Variants in LCLAT1 observed in about 807,000 individuals in gnomAD.
LCLAT1 encodes lysocardiolipin acyltransferase 1.
LCLAT1 carries 11 observed loss-of-function variants against 30.7 expected under a neutral mutation model. The ratio of observed to expected loss-of-function variants is 0.36; its 90% confidence interval spans 0.23 to 0.59. The LOEUF (loss-of-function observed/expected upper bound fraction) is 0.59, where lower values mean the gene tolerates loss of function less well. Among genes scored for constraint, LCLAT1 ranks in the 20% least tolerant of loss-of-function variants. LCLAT1 has a pLI of 0.77. For synonymous variants in LCLAT1, 155 were observed against 151.3 expected, an observed-to-expected ratio of 1.02 and a Z score of -0.18; for missense variants, 402 against 458.6, an observed-to-expected ratio of 0.88 and a Z score of 1.13.
At chr2:30,537,406 A>T (rs1663833571) in intron 3 of LCLAT1, among the ~76,000 whole-genome samples, 1 of 151,544 alleles carries the variant, frequency 6.6e-6, no homozygotes, top group Non-Finnish European at 1.5e-5. Context: ...AAAAAGATAG[A>T]CTTCAAGTTA....
At chr2:30,590,925 T>G (rs1666666516) in intron 5 of LCLAT1, among the ~76,000 whole-genome samples, 1 of 152,150 alleles carries the variant, frequency 6.6e-6, no homozygotes, top group Admixed American at 6.5e-5. Flanking sequence ...ATTTGTAACA[T>G]CAAAGCTGTT....
intron 5 of LCLAT1, among the ~76,000 whole-genome samples, chr2:30,610,546 TCTCTCAGGTATTTAAG>T (rs1667686543): frequency 6.6e-6 from 1 of 152,156 alleles, no homozygotes; most frequent in East Asian, 1.9e-4. Flanking sequence ...TATTAACAGA[TCTCTCAGGTATTTAAG>T]ACCTTGTTGT....
At chr2:30,458,881 A>G (rs1681963616) in intron 1 of LCLAT1, among the ~76,000 whole-genome samples, 1 of 152,200 alleles carries the variant, frequency 6.6e-6, no homozygotes, top group Non-Finnish European at 1.5e-5. Context: ...TGTGAATGTA[A>G]GAAGCTTACC....
chr2:30,528,652 C>T (rs1685846391), intron 2 of LCLAT1, among the ~76,000 whole-genome samples: 2 of 152,290 alleles, frequency 1.3e-5, no homozygotes, highest in South Asian at 4.1e-4. Context: ...TTTTGAGATG[C>T]ACCATCCTAT....
intron 1 of LCLAT1, among the ~76,000 whole-genome samples, chr2:30,508,197 A>G (rs1684767818): frequency 6.6e-6 from 1 of 152,068 alleles, no homozygotes; most frequent in East Asian, 1.9e-4. Flanking sequence ...TGTTAGATGC[A>G]TAGTTTGAAA....
intron 1 of LCLAT1, among the ~76,000 whole-genome samples, chr2:30,477,973 A>G (rs574183424): frequency 6.6e-6 from 1 of 152,134 alleles, no homozygotes; most frequent in South Asian, 2.1e-4. Flanking sequence ...GAAAAATCTC[A>G]AAGATTTACT....
chr2:30,615,762 G>T (rs1455861079), intron 5 of LCLAT1, among the ~76,000 whole-genome samples: 1 of 152,150 alleles, frequency 6.6e-6, no homozygotes, highest in Admixed American at 6.6e-5. Flanking sequence ...TTTGGCTTAT[G>T]CACTTTGAGT....
intron 1 of LCLAT1, among the ~76,000 whole-genome samples, chr2:30,473,187 A>G (rs900026419): frequency 6.6e-6 from 1 of 152,172 alleles, no homozygotes; most frequent in Admixed American, 6.5e-5. Context: ...TTAGACAGTT[A>G]TATGTGTCTA....
chr2:30,569,594 T>C (rs1037840331), intron 5 of LCLAT1, among the ~76,000 whole-genome samples: 3 of 91,276 alleles, frequency 3.3e-5, no homozygotes, highest in African/African-American at 1.2e-4. Context: ...TGAACCATTA[T>C]GTAAGAAAAG....
chr2:30,507,989 T>G (rs1271267455), intron 1 of LCLAT1, among the ~76,000 whole-genome samples: 3 of 152,202 alleles, frequency 2.0e-5, no homozygotes, highest in Admixed American at 6.5e-5. Flanking sequence ...CCATTCTGAC[T>G]GGTGTGAAAT....
intron 1 of LCLAT1, among the ~76,000 whole-genome samples, chr2:30,503,964 G>A (rs543677696): frequency 3.5e-4 from 53 of 152,294 alleles, no homozygotes; most frequent in Non-Finnish European, 5.4e-4. Context: ...CTAATGGAAA[G>A]AACGCTTAGC....
intron 1 of LCLAT1, among the ~76,000 whole-genome samples, chr2:30,450,017 C>T (rs941481045): frequency 2.0e-5 from 3 of 152,052 alleles, no homozygotes; most frequent in Non-Finnish European, 2.9e-5. Flanking sequence ...TTTCATTGAA[C>T]CTTTATGGAA....
intron 1 of LCLAT1, among the ~76,000 whole-genome samples, chr2:30,511,484 A>G (rs1251898211): frequency 1.3e-5 from 2 of 152,242 alleles, no homozygotes; most frequent in Non-Finnish European, 1.5e-5. Flanking sequence ...GGCACTAGCC[A>G]CATTTCAGAT....
At chr2:30,454,655 C>T (rs1304366681) in intron 1 of LCLAT1, among the ~76,000 whole-genome samples, 2 of 150,238 alleles carry the variant, frequency 1.3e-5, no homozygotes, top group South Asian at 2.1e-4. Context: ...TGTTGTGTTG[C>T]CTGGGCTGGT....
At chr2:30,598,578 C>G (rs1450266747) in intron 5 of LCLAT1, among the ~76,000 whole-genome samples, 1 of 151,466 alleles carries the variant, frequency 6.6e-6, no homozygotes, top group Non-Finnish European at 1.5e-5. Flanking sequence ...ATTTTATTAA[C>G]TTTTTCAAAA....
chr2:30,519,663 A>T (rs1159999625), intron 1 of LCLAT1, among the ~76,000 whole-genome samples: 3 of 152,212 alleles, frequency 2.0e-5, no homozygotes, highest in African/African-American at 7.2e-5. Flanking sequence ...TTAGGCTAAA[A>T]GCAGGAGGTA....
At chr2:30,512,691 CTA>C (rs1288024536) in intron 1 of LCLAT1, among the ~76,000 whole-genome samples, 1 of 152,126 alleles carries the variant, frequency 6.6e-6, no homozygotes, top group Non-Finnish European at 1.5e-5. Flanking sequence ...ATCATGCCAT[CTA>C]TTATATTTTG....
intron 1 of LCLAT1, among the ~76,000 whole-genome samples, chr2:30,508,001 G>C (rs1343680052): frequency 6.6e-6 from 1 of 152,090 alleles, no homozygotes; most frequent in African/African-American, 2.4e-5. Flanking sequence ...GTGTGAAATG[G>C]TATCTAATTG....
At chr2:30,448,781 G>T (rs1309224418) in intron 1 of LCLAT1, among the ~76,000 whole-genome samples, 2 of 152,102 alleles carry the variant, frequency 1.3e-5, no homozygotes, top group African/African-American at 4.8e-5. Flanking sequence ...GGTTATGGGT[G>T]GATTCTAGTC....
Sources: gnomAD v4.1 joint callset for allele counts (sites outside exome capture counted in the v4.1 genomes callset) on GRCh38, gnomAD v4.1.1 for gene constraint, MANE v1.5 for transcripts, NCBI Gene and HGNC (gene_info 2026-07-23, HGNC 2026-07-21) for gene names.